The following SV2C variants were observed in gnomAD, a reference collection of about 807,000 sequenced individuals.
The protein encoded by SV2C is synaptic vesicle glycoprotein 2C.
SV2C carries 49 observed loss-of-function variants against 79.7 expected under a neutral mutation model. That is an observed-to-expected ratio of 0.61 (90% confidence interval 0.49 to 0.78). SV2C has a LOEUF of 0.78. SV2C is among the 30% of genes least tolerant of loss of function. The probability of loss-of-function intolerance (pLI) is 0.00; values close to 1 mark genes in which losing one functional copy is unlikely to be tolerated. For missense variants in SV2C, 833 were observed against 912.9 expected, an observed-to-expected ratio of 0.91 and a Z score of 1.13; for synonymous variants, 334 against 333.2, an observed-to-expected ratio of 1.00 and a Z score of -0.03.
At chr5:75,962,591 TGGTTTACATCATCCA>T in the SV2C span, among the ~76,000 whole-genome samples, 2 of 152,262 alleles carry the variant, frequency 1.3e-5, no homozygotes, top group South Asian at 4.1e-4. Flanking sequence ...GATAACCCAC[TGGTTTACATCATCCA>T]GGTTTACATC....
intron 2 of SV2C, among the ~76,000 whole-genome samples, chr5:76,156,674 G>A (rs77684353): frequency 0.016 from 2,450 of 152,054 alleles, 54 homozygotes; most frequent in African/African-American, 0.051. Context: ...ATAAAAGTAG[G>A]TATTATGACA....
At chr5:76,116,991 G>A (rs1022146386) in intron 1 of SV2C, among the ~76,000 whole-genome samples, 23 of 152,176 alleles carry the variant, frequency 1.5e-4, no homozygotes, top group Admixed American at 9.2e-4. Context: ...GAAGGATATG[G>A]AGAGGAAAAG....
At chr5:76,196,351 G>C (rs1744271590) in intron 3 of SV2C, among the ~76,000 whole-genome samples, 1 of 151,260 alleles carries the variant, frequency 6.6e-6, no homozygotes, top group Admixed American at 6.6e-5. Context: ...TGTTCTTGGG[G>C]AAAAAAAAAT....
intron 1 of SV2C, among the ~76,000 whole-genome samples, chr5:76,118,774 G>C (rs575388160): frequency 6.6e-6 from 1 of 152,286 alleles, no homozygotes; most frequent in African/African-American, 2.4e-5. Flanking sequence ...TTGAGGACAG[G>C]AGTTCGAGAC....
chr5:75,893,469 G>C, the SV2C span, among the ~76,000 whole-genome samples: 1 of 152,052 alleles, frequency 6.6e-6, no homozygotes, highest in Non-Finnish European at 1.5e-5. Flanking sequence ...GCTGGAAGCT[G>C]TTACCCTAAG....
the SV2C span, among the ~76,000 whole-genome samples, chr5:75,926,667 C>A: frequency 6.6e-6 from 1 of 151,934 alleles, no homozygotes; most frequent in South Asian, 2.1e-4. Flanking sequence ...ATATTGCTGA[C>A]AAATAGAAAA....
At chr5:76,079,950 T>C (rs1437710869), upstream of SV2C, among the ~76,000 whole-genome samples, 2 of 152,182 alleles carry the variant, frequency 1.3e-5, no homozygotes, top group South Asian at 2.1e-4. Context: ...AGGGTGTTTT[T>C]TTTTTTGAAA....
At chr5:75,997,098 G>T in the SV2C span, among the ~76,000 whole-genome samples, 44 of 151,088 alleles carry the variant, frequency 2.9e-4, no homozygotes, top group East Asian at 6.2e-3. Flanking sequence ...TTTTGCCCAT[G>T]CAGTATGATA....
chr5:76,290,761 T>C (rs1367048156), intron 6 of SV2C, among the ~76,000 whole-genome samples: 7 of 152,322 alleles, frequency 4.6e-5, no homozygotes, highest in African/African-American at 1.4e-4. Flanking sequence ...CCGGAAGTGG[T>C]GCTCTGAGAA....
chr5:76,001,006 TAAA>T, the SV2C span, among the ~76,000 whole-genome samples: 2 of 136,888 alleles, frequency 1.5e-5, no homozygotes, highest in Admixed American at 7.4e-5. Context: ...TCGGTACAAT[TAAA>T]AAAAAAAAAA....
intron 2 of SV2C, among the ~76,000 whole-genome samples, chr5:76,139,732 T>C (rs962158970): frequency 2.0e-5 from 3 of 151,902 alleles, no homozygotes; most frequent in Non-Finnish European, 4.4e-5. Context: ...TTAGCTAGAG[T>C]CAATTGGTAT....
chr5:76,218,708 A>G (rs891214896), intron 4 of SV2C, among the ~76,000 whole-genome samples: 8 of 121,568 alleles, frequency 6.6e-5, no homozygotes, highest in Non-Finnish European at 1.4e-4. Flanking sequence ...TGGCATATGT[A>G]TAACTATATA....
chr5:76,187,693 AAGTG>A (rs1452039696), intron 2 of SV2C, among the ~76,000 whole-genome samples: 1 of 152,120 alleles, frequency 6.6e-6, no homozygotes, highest in Non-Finnish European at 1.5e-5. Context: ...GTAATTGAAA[AAGTG>A]AGGGATCAGT....
intron 3 of SV2C, among the ~76,000 whole-genome samples, chr5:76,199,391 G>A (rs1190706327): frequency 2.0e-5 from 3 of 152,120 alleles, no homozygotes; most frequent in African/African-American, 7.2e-5. Flanking sequence ...TACAGTACTT[G>A]CCATCCTTTC....
intron 1 of SV2C, among the ~76,000 whole-genome samples, chr5:76,126,878 G>A (rs1748721720): frequency 6.6e-6 from 1 of 152,120 alleles, no homozygotes; most frequent in African/African-American, 2.4e-5. Flanking sequence ...TACTGGCCAG[G>A]TTTCAGTTTT....
chr5:76,065,113 G>A, the SV2C span, among the ~76,000 whole-genome samples: 16 of 152,176 alleles, frequency 1.1e-4, no homozygotes, highest in East Asian at 2.9e-3. Context: ...AAATTATTAC[G>A]TATAATATAA....
chr5:76,051,467 A>C, the SV2C span, among the ~76,000 whole-genome samples: 4 of 152,200 alleles, frequency 2.6e-5, no homozygotes, highest in Non-Finnish European at 5.9e-5. Context: ...AATCAACAAA[A>C]ATATCCATCA....
chr5:76,020,536 G>A, the SV2C span, among the ~76,000 whole-genome samples: 1 of 152,130 alleles, frequency 6.6e-6, no homozygotes, highest in Non-Finnish European at 1.5e-5. Context: ...CTCATCACCT[G>A]GAAATCCTGG....
the SV2C span, among the ~76,000 whole-genome samples, chr5:75,871,016 T>C: frequency 6.6e-6 from 1 of 152,178 alleles, no homozygotes; most frequent in Admixed American, 6.5e-5. Context: ...CAGTAAACTG[T>C]TTCAGTAGCA....
Sources: allele counts gnomAD v4.1 joint callset (sites outside exome capture counted in the v4.1 genomes callset), GRCh38; gene constraint gnomAD v4.1.1; transcripts MANE v1.5; gene names NCBI Gene and HGNC (gene_info 2026-07-23, HGNC 2026-07-21).